GRAMD1B: variants seen among roughly 807,000 people sequenced by gnomAD.
The protein encoded by GRAMD1B is protein Aster-B.
GRAMD1B carries 37 observed loss-of-function variants against 99.7 expected under a neutral mutation model. The ratio of observed to expected loss-of-function variants is 0.37; its 90% CI spans 0.29 to 0.49. GRAMD1B has a LOEUF of 0.49. Ranked by LOEUF, GRAMD1B falls within the 20% of genes least tolerant of loss-of-function variation. GRAMD1B has a pLI of 0.98. For synonymous variants in GRAMD1B, 427 were observed against 387.6 expected, an observed-to-expected ratio of 1.10 and a Z score of -1.19; for missense variants, 888 against 1,009.2, an observed-to-expected ratio of 0.88 and a Z score of 1.63.
chr11:123,398,804 G>A (rs771396643), intron 1 of GRAMD1B, among the ~76,000 whole-genome samples: 1 of 152,086 alleles, frequency 6.6e-6, no homozygotes, highest in Non-Finnish European at 1.5e-5. Context: ...CATATTTAAT[G>A]TATACAACTC....
intron 1 of GRAMD1B, among the ~76,000 whole-genome samples, chr11:123,372,903 G>T (rs908157272): frequency 6.6e-6 from 1 of 152,092 alleles, no homozygotes; most frequent in African/African-American, 2.4e-5. Flanking sequence ...ACTTTGGAAG[G>T]CTGAGTTGGG....
chr11:123,543,826 C>A (rs1222313867), intron 2 of GRAMD1B, among the ~76,000 whole-genome samples: 2 of 152,166 alleles, frequency 1.3e-5, no homozygotes, highest in Admixed American at 6.5e-5. Flanking sequence ...GTAATTTGTT[C>A]TAGGATGTAG....
chr11:123,610,383 C>A lies in GRAMD1B; in HGVS notation c.1919+45C>A, dbSNP rs751364012. Reference sequence around the variant, plus strand: ...CAGTGCGGTCAGACGGGGGTCCTTACCTTAGAGAACATTCATTTGCTCCTG... The same window carrying A: ...CAGTGCGGTCAGACGGGGGTCCTTAACTTAGAGAACATTCATTTGCTCCTG... On this transcript the variant is annotated intron_variant, in intron 14 of 19. Transcript: ENST00000635736. This position sits in a 1 kb window ranked among gnomAD's most constrained non-coding sequence, Gnocchi z 4.1. The A allele has an allele frequency of 1.8e-5, 28 of 1,590,198 alleles. No homozygotes were observed. Among genetic ancestry groups the A allele is most frequent in the Non-Finnish European group, 2.3e-5 (27 of 1,159,438 alleles).
intron 1 of GRAMD1B, among the ~76,000 whole-genome samples, chr11:123,360,797 TTCC>T (rs1946118818): frequency 7.2e-6 from 1 of 139,310 alleles, no homozygotes; most frequent in Non-Finnish European, 1.6e-5. Flanking sequence ...CCTTCCTTCC[TTCC>T]TTCCTTCCTT....
intron 2 of GRAMD1B, among the ~76,000 whole-genome samples, chr11:123,532,395 C>T (rs1183115283): frequency 6.6e-6 from 1 of 152,204 alleles, no homozygotes; most frequent in East Asian, 1.9e-4. Context: ...CGTGGCCCTG[C>T]CTGACTGCAG....
intron 19 of GRAMD1B, chr11:123,619,565 C>T (rs960662501): frequency 2.1e-5 from 25 of 1,175,438 alleles, no homozygotes; most frequent in Middle Eastern, 3.7e-4. Context: ...AGCCCTTTTA[C>T]AGAGATTTGT....
At chr11:123,409,347 T>A (rs1268805123) in intron 1 of GRAMD1B, among the ~76,000 whole-genome samples, 35 of 152,204 alleles carry the variant, frequency 2.3e-4, no homozygotes, top group Admixed American at 2.3e-3. Context: ...TGTGTAGCAG[T>A]GTTTTAATCT....
At chr11:123,365,627 T>C (rs1946295366) in intron 1 of GRAMD1B, among the ~76,000 whole-genome samples, 1 of 152,210 alleles carries the variant, frequency 6.6e-6, no homozygotes, top group African/African-American at 2.4e-5. Flanking sequence ...CCTCTGCAGG[T>C]AGGGGTCTAC....
At chr11:123,403,936 G>A (rs1947764302) in intron 1 of GRAMD1B, among the ~76,000 whole-genome samples, 1 of 152,138 alleles carries the variant, frequency 6.6e-6, no homozygotes, top group Non-Finnish European at 1.5e-5. Flanking sequence ...GACGCATCTT[G>A]TAAGTTGCTT....
chr11:123,512,362 G>T (rs181422759), intron 2 of GRAMD1B, among the ~76,000 whole-genome samples: 5 of 152,292 alleles, frequency 3.3e-5, no homozygotes, highest in Admixed American at 3.3e-4. Context: ...TCTGGAAAAG[G>T]TATGATTTGG....
chr11:123,403,565 C>T (rs555182071), intron 1 of GRAMD1B, among the ~76,000 whole-genome samples: 1 of 151,098 alleles, frequency 6.6e-6, no homozygotes, highest in African/African-American at 2.4e-5. Context: ...TGTTTTAAGA[C>T]AGAGTCTTAC....
intron 1 of GRAMD1B, chr11:123,458,286 A>T (rs1260612371): frequency 1.3e-5 from 2 of 152,298 alleles, no homozygotes; most frequent in Non-Finnish European, 2.9e-5. Context: ...CCAAAGGCCT[A>T]GAACTCAGAG....
chr11:123,551,247 T>C (rs56028970), intron 2 of GRAMD1B, among the ~76,000 whole-genome samples: 11,261 of 152,280 alleles, frequency 0.074, 507 homozygotes, highest in Admixed American at 0.15. Flanking sequence ...GGGCGTTTTT[T>C]TGGGCGAGGC....
intron 6 of GRAMD1B, 51 bp downstream of exon 6, chr11:123,594,889 C>T (rs1025704018): frequency 3.3e-6 from 3 of 921,304 alleles, no homozygotes; most frequent in South Asian, 1.3e-5. Context: ...TATGGCTGAG[C>T]AAGCTGCCCT....
intron 3 of GRAMD1B, among the ~76,000 whole-genome samples, chr11:123,579,645 G>C (rs1031034907): frequency 5.3e-5 from 8 of 152,068 alleles, no homozygotes; most frequent in African/African-American, 1.9e-4. Context: ...GTGGGTGCTC[G>C]AGGCTCAGCT....
chr11:123,553,699 G>A (rs1176053836), intron 2 of GRAMD1B, among the ~76,000 whole-genome samples: 2 of 152,324 alleles, frequency 1.3e-5, no homozygotes, highest in East Asian at 3.9e-4. Flanking sequence ...ACCAGCCTCC[G>A]TGGATTAGAG....
chr11:123,371,354 T>C (rs764745170), intron 1 of GRAMD1B, among the ~76,000 whole-genome samples: 4 of 152,218 alleles, frequency 2.6e-5, no homozygotes, highest in Non-Finnish European at 4.4e-5. Context: ...GCCCAGCTAA[T>C]AGGTGTTTTG....
chr11:123,562,808 C>A lies in GRAMD1B; in HGVS notation c.453-14559C>A, dbSNP rs187477400. Among the ~76,000 whole-genome samples the A allele has an allele frequency of 5.9e-5, 9 of 152,302 alleles. No homozygotes were observed. The East Asian group carries it at 1.7e-3, about 29-fold the overall frequency. ...TGCTTCTTGGAGGGATATGCACCCC[C>A]ACTTAGCCTACAGGAGAAGGTTGAA... On this transcript the variant is annotated intron_variant, in intron 2 of 19. Transcript: ENST00000635736.
intron 1 of GRAMD1B, among the ~76,000 whole-genome samples, chr11:123,410,497 C>G (rs1948007046): frequency 6.6e-6 from 1 of 152,080 alleles, no homozygotes; most frequent in African/African-American, 2.4e-5. Context: ...ATCGGTGACT[C>G]CGATACTGCC....
Sources: gnomAD v4.1 joint callset for allele counts (sites outside exome capture counted in the v4.1 genomes callset) on GRCh38, gnomAD v4.1.1 for gene constraint, Gnocchi (gnomAD v3.1) non-coding constraint, MANE v1.5 for transcripts, NCBI Gene and HGNC (gene_info 2026-07-23, HGNC 2026-07-21) for gene names.